Variants in PRKX observed in about 807,000 individuals in gnomAD.
PRKX encodes cAMP-dependent protein kinase catalytic subunit PRKX.
A neutral mutation model predicts 22.0 loss-of-function variants in PRKX; 12 were observed. The ratio of observed to expected loss-of-function variants is 0.54; its 90% CI spans 0.35 to 0.88. PRKX has a LOEUF of 0.88. Ranked by LOEUF, PRKX falls within the 40% of genes least tolerant of loss-of-function variation. The pLI is 0.01. For missense variants in PRKX, 217 were observed against 308.0 expected, an observed-to-expected ratio of 0.70 and a Z score of 2.21; for synonymous variants, 134 against 137.7, an observed-to-expected ratio of 0.97 and a Z score of 0.19.
intron 1 of PRKX, among the ~76,000 whole-genome samples, chrX:3,704,787 G>C (rs1039127412): frequency 7.1e-5 from 8 of 111,981 alleles, no homozygotes; most frequent in African/African-American, 2.3e-4. Flanking sequence ...TTTACAGGCT[G>C]AATAGTACTC....
Position 3,713,306 on chromosome X carries a change from C to A in PRKX, c.-53G>T. On this transcript the variant is annotated 5_prime_UTR_variant, in exon 1 of 9. Transcript: ENST00000262848. ...GGCCAGGCCGGAGCGCTCGGGGAGC[C>A]GGGCTTCCCGGGACGCAGCCTCGGA... The A allele has an allele frequency of 1.1e-6, 1 of 932,957 alleles. No homozygotes were observed. Among genetic ancestry groups the A allele is most frequent in the South Asian group, 4.8e-5 (1 of 21,007 alleles). The allele number at this position is 932,957 out of a possible 1,213,427, so 76.9% of individuals were successfully genotyped here.
chrX:3,638,551 C>G (rs12399472), intron 4 of PRKX, among the ~76,000 whole-genome samples: 1 of 111,138 alleles, frequency 9.0e-6, no homozygotes, highest in Admixed American at 9.6e-5. Context: ...TATTTTTAAC[C>G]TTTTGGGTTT....
intron 8 of PRKX, among the ~76,000 whole-genome samples, chrX:3,609,820 C>T (rs772841265): frequency 8.9e-6 from 1 of 111,862 alleles, no homozygotes; most frequent in South Asian, 3.8e-4. Context: ...AGATGATGAA[C>T]TGCACAAGAA....
chrX:3,689,893 C>T (rs757620055), intron 1 of PRKX, among the ~76,000 whole-genome samples: 2 of 110,852 alleles, frequency 1.8e-5, no homozygotes, highest in Non-Finnish European at 3.8e-5. Flanking sequence ...AGGAGGATGG[C>T]GTGAACCCGG....
intron 1 of PRKX, among the ~76,000 whole-genome samples, chrX:3,694,198 C>T (rs1161592883): frequency 9.3e-6 from 1 of 107,573 alleles, no homozygotes; most frequent in Non-Finnish European, 1.9e-5. Flanking sequence ...ACCAGCCTGG[C>T]CAACATGGTG....
chrX:3,691,090 G>A (rs1169713234), intron 1 of PRKX, among the ~76,000 whole-genome samples: 1 of 111,814 alleles, frequency 8.9e-6, no homozygotes, highest in Non-Finnish European at 1.9e-5. Flanking sequence ...AGCTCAGTCG[G>A]ACTAGGGTCT....
chrX:3,694,542 C>G (rs912760170), intron 1 of PRKX, among the ~76,000 whole-genome samples: 12 of 109,539 alleles, frequency 1.1e-4, no homozygotes, highest in African/African-American at 4.0e-4. Context: ...CCCCCAGGAG[C>G]TGGGAGATGC....
Position 3,655,417 on chromosome X carries a change from G to T in PRKX, c.336-5C>A. The T allele has an allele frequency of 8.3e-7, 1 of 1,211,930 alleles. No homozygotes were observed. Among genetic ancestry groups the T allele is most frequent in the Non-Finnish European group, 1.1e-6 (1 of 895,503 alleles). ...TCGTCATGCCACGTCCAGAACCTGC[G>T]GGGACAGACAGCACATGCTCAGGGC... On this transcript the variant is annotated splice_polypyrimidine_tract_variant and splice_region_variant and intron_variant, in intron 2 of 8. Transcript: ENST00000262848.
chrX:3,626,188 A>T (rs1186141675), intron 5 of PRKX, among the ~76,000 whole-genome samples: 4 of 112,414 alleles, frequency 3.6e-5, no homozygotes, highest in Non-Finnish European at 7.5e-5. Flanking sequence ...AATATAACAT[A>T]CCACCAAAAG....
chrX:3,702,421 T>C (rs910906853), intron 1 of PRKX, among the ~76,000 whole-genome samples: 7 of 112,678 alleles, frequency 6.2e-5, no homozygotes, highest in South Asian at 7.3e-4. Flanking sequence ...CTCCACAGGC[T>C]GCCCTCCAAA....
intron 4 of PRKX, 139 bp downstream of exon 4, chrX:3,641,713 G>A (rs1183292060): frequency 4.6e-6 from 1 of 218,766 alleles, no homozygotes; most frequent in Admixed American, 7.5e-5. Flanking sequence ...CAGGGCAGCA[G>A]ATGTGTGTGC....
At chrX:3,684,246 C>T (rs7056209) in intron 1 of PRKX, among the ~76,000 whole-genome samples, 20,897 of 111,040 alleles carry the variant, frequency 0.19, 2,756 homozygotes, top group African/African-American at 0.47. Context: ...AGCGAGACTC[C>T]GTCTCAAAAA....
In PRKX at chrX:3,605,053, ACACACAC is replaced by A. The variant is rs1433946291; in HGVS notation, c.*3909_*3915del. The stretch of plus-strand genomic sequence containing the variant: ...CACACACACACACACACACACACAC[ACACACAC>A]CCCGCAAAGAAACTATCCAAATGCA... On this transcript the variant is annotated 3_prime_UTR_variant, in exon 9 of 9. Coordinates refer to ENST00000262848, the MANE Select transcript of PRKX (RefSeq NM_005044.5). 2 of 76,083 alleles carry A rather than the reference ACACACAC, an allele frequency of 2.6e-5. No individual in the cohort carries two copies. The highest frequency in any genetic ancestry group is 9.2e-5 in the African/African-American group (2 of 21,761). The allele number at this position is 76,083 out of a possible 1,213,427, so 6.3% of individuals were successfully genotyped here.
intron 1 of PRKX, among the ~76,000 whole-genome samples, chrX:3,692,382 C>T (rs1928349201): frequency 9.1e-6 from 1 of 110,413 alleles, no homozygotes; most frequent in African/African-American, 3.3e-5. Flanking sequence ...CCAGTTGAGA[C>T]CCCCTGTTTT....
At chrX:3,711,982 C>T (rs760893071) in intron 1 of PRKX, among the ~76,000 whole-genome samples, 3 of 111,829 alleles carry the variant, frequency 2.7e-5, no homozygotes, top group South Asian at 7.6e-4. Context: ...TCCTCGTGGG[C>T]CCTTCCTCAA....
intron 1 of PRKX, among the ~76,000 whole-genome samples, chrX:3,696,117 A>G (rs923927502): frequency 2.7e-5 from 3 of 110,375 alleles, no homozygotes; most frequent in African/African-American, 9.9e-5. Flanking sequence ...AATGGGATCA[A>G]TGTCCTTATT....
rs774359155 is a variant in PRKX at position 3,640,863 on chromosome X, C to A, written c.719+989G>T. Among the ~76,000 whole-genome samples, 19 of 111,670 alleles carry A rather than the reference C, an allele frequency of 1.7e-4. No individual in the cohort carries two copies. The Admixed American group carries it at 1.7e-3, about 10-fold the overall frequency. On this transcript the variant is annotated intron_variant, in intron 4 of 8. Coordinates refer to ENST00000262848, the MANE Select transcript of PRKX (RefSeq NM_005044.5). ...AAGATGGCGACAAGTGACCTCTGATCGTCTTCATGGCTCATTATACATTAA... is the reference window on the plus strand; with the variant it reads ...AAGATGGCGACAAGTGACCTCTGATAGTCTTCATGGCTCATTATACATTAA...
At chrX:3,701,798 T>C (rs1385427150) in intron 1 of PRKX, among the ~76,000 whole-genome samples, 1 of 111,210 alleles carries the variant, frequency 9.0e-6, no homozygotes, top group Non-Finnish European at 1.9e-5. Flanking sequence ...GTGACAAGAG[T>C]GACCTCTGGT....
chrX:3,652,850 A>G (rs1927365455), intron 3 of PRKX, among the ~76,000 whole-genome samples: 1 of 110,537 alleles, frequency 9.0e-6, no homozygotes, highest in Non-Finnish European at 1.9e-5. Flanking sequence ...GGAGATGAGG[A>G]TACAGACATG....
Sources: gnomAD v4.1 joint callset for allele counts (sites outside exome capture counted in the v4.1 genomes callset) on GRCh38, gnomAD v4.1.1 for gene constraint, MANE v1.5 for transcripts, NCBI Gene and HGNC (gene_info 2026-07-23, HGNC 2026-07-21) for gene names.